The following LEPR variants were observed in gnomAD, a reference collection of about 807,000 sequenced individuals.
The protein encoded by LEPR is OB receptor.
Under a neutral mutation model 114.7 loss-of-function variants are expected in LEPR, and 56 were observed. That is an observed-to-expected ratio of 0.49 (90% CI 0.39 to 0.61). The LOEUF (loss-of-function observed/expected upper bound fraction) is 0.61, where lower values mean the gene tolerates loss of function less well. Ranked by LOEUF, LEPR falls within the 20% of genes least tolerant of loss-of-function variation. LEPR has a pLI of 0.00. For missense variants in LEPR, 1,202 were observed against 1,352.9 expected, an observed-to-expected ratio of 0.89 and a Z score of 1.75; for synonymous variants, 443 against 461.4, an observed-to-expected ratio of 0.96 and a Z score of 0.51.
intron 2 of LEPR, among the ~76,000 whole-genome samples, chr1:65,539,307 C>T (rs975720449): frequency 6.7e-6 from 1 of 149,512 alleles, no homozygotes; most frequent in Non-Finnish European, 1.5e-5. Context: ...TTCCTTTTTA[C>T]TTTCTTTTTA....
At chr1:65,537,719 C>T (rs1650878325) in intron 2 of LEPR, among the ~76,000 whole-genome samples, 1 of 152,126 alleles carries the variant, frequency 6.6e-6, no homozygotes, top group South Asian at 2.1e-4. Context: ...ACACCTAAAT[C>T]TGACAACTGT....
At chr1:65,425,179 A>G in intron 1 of LEPR, 124 bp from the exon 2 acceptor site, 1 of 743,360 alleles carries the variant, frequency 1.3e-6, no homozygotes. Context: ...CTAATTCCAG[A>G]AAATTTACTC....
chr1:65,627,648 G>A (rs2101028708), intron 19 of LEPR, among the ~76,000 whole-genome samples: 1 of 152,220 alleles, frequency 6.6e-6, no homozygotes, highest in African/African-American at 2.4e-5. Flanking sequence ...CACATGGGAA[G>A]TTTTATAAGA....
rs575949621 is a variant in LEPR, at chr1:65,633,344, G to A, written c.2674-2847G>A. 1 of 1,332,478 alleles carries A rather than the reference G, an allele frequency of 7.5e-7. No individual in the cohort carries two copies. The highest frequency in any genetic ancestry group is 2.7e-5 in the East Asian group (1 of 36,780). The allele number at this position is 1,332,478 out of a possible 1,614,324, so 82.5% of individuals were successfully genotyped here. On this transcript the variant is annotated intron_variant, in intron 19 of 19. Transcript: ENST00000349533. This position sits in a 1 kb window ranked among gnomAD's most constrained non-coding sequence, Gnocchi z 4.1. ...TTGATTTAGAACTTAAAATAGATGT[G>A]TAAATTTGGGTTCAAAATGTAGATT...
Position 65,598,801 on chromosome 1 carries a change from C to G in LEPR, c.991C>G (p.Gln331Glu). 6.2e-7 allele frequency: 1 copy of G among 1,613,130 alleles called. No individual in the cohort carries two copies. The highest frequency in any genetic ancestry group is 8.5e-7 in the Non-Finnish European group (1 of 1,179,340). Reference sequence around the variant, plus strand: ...GAGTACTCCTCGTGTCTTTACCACACAAGGTAGGTTATGTAATAGCCACTT... The same window carrying G: ...GAGTACTCCTCGTGTCTTTACCACAGAAGGTAGGTTATGTAATAGCCACTT... The part of the protein sequence containing the change: ...DWSTPRVFTT[Q>E]DVIYFPPKIL... The change falls in exon 8 of 20, where the codon CAA becomes GAA. Residue 331 changes from glutamine (Q) to glutamate (E), a missense_variant. By Grantham distance (29) the Gln-to-Glu change is conservative. Transcript: ENST00000349533.
At chr1:65,465,726 A>G (rs1647003385) in intron 2 of LEPR, among the ~76,000 whole-genome samples, 1 of 152,218 alleles carries the variant, frequency 6.6e-6, no homozygotes, top group Admixed American at 6.5e-5. Context: ...GGGTACATAC[A>G]TATTTAGGAT....
chr1:65,598,268 G>C (rs1031522633), intron 7 of LEPR, among the ~76,000 whole-genome samples: 2 of 151,742 alleles, frequency 1.3e-5, no homozygotes, highest in Non-Finnish European at 2.9e-5. Context: ...ATGCTCTTCT[G>C]TACAGGGACA....
At chr1:65,571,913 A>G (rs1274102188) in intron 4 of LEPR, among the ~76,000 whole-genome samples, 2 of 144,314 alleles carry the variant, frequency 1.4e-5, no homozygotes, top group Non-Finnish European at 1.5e-5. Flanking sequence ...GCAGTGAGCC[A>G]TGATCACATG....
At chr1:65,489,635 C>T (rs1647762318) in intron 2 of LEPR, among the ~76,000 whole-genome samples, 1 of 151,930 alleles carries the variant, frequency 6.6e-6, no homozygotes, top group African/African-American at 2.4e-5. Flanking sequence ...CTCATTTTTC[C>T]ATTTTCACTT....
intron 2 of LEPR, among the ~76,000 whole-genome samples, chr1:65,437,403 G>A (rs1185889572): frequency 6.6e-6 from 1 of 152,076 alleles, no homozygotes; most frequent in Non-Finnish European, 1.5e-5. Flanking sequence ...AATGGATAAT[G>A]TGATATATCC....
At chr1:65,575,551 G>T (rs1272286112) in intron 5 of LEPR, among the ~76,000 whole-genome samples, 2 of 151,202 alleles carry the variant, frequency 1.3e-5, no homozygotes, top group Non-Finnish European at 2.9e-5. Flanking sequence ...CTCAAATATT[G>T]TTTTATAAAT....
At chr1:65,469,143 A>G (rs1439915972) in intron 2 of LEPR, among the ~76,000 whole-genome samples, 1 of 152,170 alleles carries the variant, frequency 6.6e-6, no homozygotes, top group African/African-American at 2.4e-5. Context: ...CCATACCACC[A>G]GGTTGCAATT....
rs370689197 is a variant in LEPR, at chr1:65,435,691, G to A, written c.-21+10313G>A. On this transcript the variant is annotated intron_variant, in intron 2 of 19. Transcript: ENST00000349533. ...CAAAATGTGCCTTTGCAAAGTTTGC[G>A]AAATCAGATTTTGTATCCCAATAGA... 1.9e-5 allele frequency: 19 copies of A among 985,412 alleles called. No individual in the cohort carries two copies. The East Asian group carries it at 9.1e-4, about 47-fold the overall frequency. 61.0% of individuals were successfully genotyped at this position (985,412 alleles called of 1,614,324 possible).
At chr1:65,527,217 G>A (rs542365465) in intron 2 of LEPR, among the ~76,000 whole-genome samples, 4 of 152,332 alleles carry the variant, frequency 2.6e-5, no homozygotes, top group Admixed American at 6.5e-5. Context: ...AAAGTTGTGG[G>A]CAGAATGTTA....
At position 65,623,016 on chromosome 1, in the gene LEPR, TAC is replaced by T. The variant is rs1657976553; in HGVS notation, c.2673+36_2673+37del. Reference sequence around the variant, plus strand: ...TCAATTTTTTTTAACCCAGAATATATACGATTGCAATCTAGACGCCATATGAC... The same window carrying T: ...TCAATTTTTTTTAACCCAGAATATATGATTGCAATCTAGACGCCATATGAC... On this transcript the variant is annotated intron_variant, in intron 19 of 19. Coordinates refer to ENST00000349533, the MANE Select transcript of LEPR (RefSeq NM_002303.6). 5.0e-6 allele frequency: 8 copies of T among 1,600,586 alleles called. No homozygotes were observed. The East Asian group carries it at 1.8e-4, about 36-fold the overall frequency.
At chr1:65,432,008 A>G in intron 2 of LEPR, 1 of 1,485,694 alleles carries the variant, frequency 6.7e-7, no homozygotes, top group Non-Finnish European at 8.9e-7. Flanking sequence ...TATGAAATTT[A>G]ATATGCTGGG....
At chr1:65,444,046 C>T (rs1237105628) in intron 2 of LEPR, among the ~76,000 whole-genome samples, 1 of 35,448 alleles carries the variant, frequency 2.8e-5, no homozygotes, top group South Asian at 1.1e-3. Context: ...CATGCTGGTG[C>T]GCTGCACCCA....
At chr1:65,526,013 G>T (rs938278337) in intron 2 of LEPR, 54 of 806,968 alleles carry the variant, frequency 6.7e-5, no homozygotes, top group Non-Finnish European at 7.8e-5. Context: ...GGGTGGGTGC[G>T]ACGCCGGGCG....
At chr1:65,592,518 AG>A (rs1655773185) in intron 5 of LEPR, 138 bp from the exon 6 acceptor site, 3 of 729,886 alleles carry the variant, frequency 4.1e-6, no homozygotes, top group South Asian at 3.8e-5. Context: ...TTTCTAATGT[AG>A]GGTTTTTTTT....
Sources: allele counts gnomAD v4.1 joint callset (sites outside exome capture counted in the v4.1 genomes callset), GRCh38; gene constraint gnomAD v4.1.1; non-coding constraint Gnocchi (gnomAD v3.1); transcripts MANE v1.5; gene names NCBI Gene and HGNC (gene_info 2026-07-23, HGNC 2026-07-21).